The following CLMN variants were observed in gnomAD, a reference collection of about 807,000 sequenced individuals.
CLMN encodes the protein calmin.
A neutral mutation model predicts 92.7 loss-of-function variants in CLMN; 57 were observed. The ratio of observed to expected loss-of-function variants is 0.61; its 90% CI spans 0.50 to 0.77. CLMN has a LOEUF of 0.77. Ranked by LOEUF, CLMN falls within the 30% of genes least tolerant of loss-of-function variation. The probability of loss-of-function intolerance (pLI) is 0.00; values close to 1 mark genes in which losing one functional copy is unlikely to be tolerated. For missense variants in CLMN, 1,158 were observed against 1,237.5 expected (o/e 0.94, Z 0.96); for synonymous variants, 466 against 470.6 (o/e 0.99, Z 0.13).
At chr14:95,229,540 G>C (rs1177048262) in intron 2 of CLMN, among the ~76,000 whole-genome samples, 1 of 152,126 alleles carries the variant, frequency 6.6e-6, no homozygotes, top group Non-Finnish European at 1.5e-5. Flanking sequence ...TGATAGGAGG[G>C]GGGTAATTCA....
chr14:95,240,354 A>C (rs1395175382), intron 1 of CLMN, among the ~76,000 whole-genome samples: 3 of 152,152 alleles, frequency 2.0e-5, no homozygotes, highest in Non-Finnish European at 4.4e-5. Context: ...TGGCATGACC[A>C]AGTTCCAGCT....
chr14:95,313,546 A>T (rs1901632565), intron 1 of CLMN, among the ~76,000 whole-genome samples: 1 of 152,214 alleles, frequency 6.6e-6, no homozygotes. Flanking sequence ...AGACCTGGTA[A>T]GGAAGAAAAA....
At chr14:95,252,428 C>T (rs1447094926) in intron 1 of CLMN, among the ~76,000 whole-genome samples, 1 of 152,208 alleles carries the variant, frequency 6.6e-6, no homozygotes, top group Non-Finnish European at 1.5e-5. Flanking sequence ...TGGACAGTGC[C>T]AGCCCTGCAT....
At chr14:95,261,256 G>A (rs531917682) in intron 1 of CLMN, among the ~76,000 whole-genome samples, 1 of 151,182 alleles carries the variant, frequency 6.6e-6, no homozygotes, top group East Asian at 1.9e-4. Context: ...TAGTTTGAGA[G>A]CTGAAGCAGA....
intron 1 of CLMN, among the ~76,000 whole-genome samples, chr14:95,239,800 G>T (rs570685569): frequency 3.9e-5 from 6 of 152,272 alleles, no homozygotes; most frequent in East Asian, 3.9e-4. Context: ...AAAATGAATC[G>T]CAACGTTCTT....
At chr14:95,261,810 C>T (rs932015628) in intron 1 of CLMN, among the ~76,000 whole-genome samples, 1 of 152,234 alleles carries the variant, frequency 6.6e-6, no homozygotes, top group Admixed American at 6.5e-5. Flanking sequence ...GGGATCCCCA[C>T]AGCCCATGCC....
chr14:95,250,252 G>A lies in CLMN; in HGVS notation c.83-20119C>T, dbSNP rs1324988649. On this transcript the variant is annotated intron_variant, in intron 1 of 12. Transcript: ENST00000298912. Reference sequence around the variant, plus strand: ...AAGTTTTTGTTACTTGCAGGTGAACGATAAAATAGACATCCTTGTGTTATT... The same window carrying A: ...AAGTTTTTGTTACTTGCAGGTGAACAATAAAATAGACATCCTTGTGTTATT... 2.6e-5 allele frequency among the ~76,000 whole-genome samples: 4 copies of A among 152,188 alleles called. No homozygotes were observed. In the East Asian group the frequency reaches 5.8e-4, roughly 22 times the overall value.
intron 1 of CLMN, among the ~76,000 whole-genome samples, chr14:95,237,950 C>T (rs1898112432): frequency 6.6e-6 from 1 of 152,222 alleles, no homozygotes; most frequent in Non-Finnish European, 1.5e-5. Flanking sequence ...AATCTCACTC[C>T]ATCAGCTTGA....
intron 1 of CLMN, among the ~76,000 whole-genome samples, chr14:95,290,249 G>A (rs904152665): frequency 6.6e-6 from 1 of 152,170 alleles, no homozygotes; most frequent in Non-Finnish European, 1.5e-5. Flanking sequence ...TTCTTGGGTG[G>A]TGGTGCTTTG....
intron 1 of CLMN, among the ~76,000 whole-genome samples, chr14:95,274,373 A>C (rs1006979982): frequency 6.6e-6 from 1 of 152,054 alleles, no homozygotes; most frequent in Non-Finnish European, 1.5e-5. Flanking sequence ...CGAAGTCAGG[A>C]GGTATTCTTA....
At chr14:95,195,593 G>GGA (rs1449959878) in intron 10 of CLMN, among the ~76,000 whole-genome samples, 1 of 152,194 alleles carries the variant, frequency 6.6e-6, no homozygotes, top group Non-Finnish European at 1.5e-5. Context: ...GCAACAAGGG[G>GGA]GCACAAAAAG....
In CLMN at chr14:95,210,995, G is replaced by A. The variant is rs372673321; in HGVS notation, c.609-116C>T. 6.3e-5 allele frequency: 65 copies of A among 1,027,584 alleles called. No homozygotes were observed. The East Asian group carries it at 1.1e-3, about 17-fold the overall frequency. The allele number at this position is 1,027,584 out of a possible 1,614,324, so 63.7% of individuals were successfully genotyped here. ...TGAGTGGGGCAGAGCTGCCGACCTC[G>A]CCAGGTGAAGACGCCTTCATCCCTG... On this transcript the variant is annotated intron_variant, in intron 6 of 12. Transcript: ENST00000298912.
intron 1 of CLMN, among the ~76,000 whole-genome samples, chr14:95,282,509 C>T (rs1187135514): frequency 6.6e-6 from 1 of 152,140 alleles, no homozygotes; most frequent in Non-Finnish European, 1.5e-5. Flanking sequence ...GACCATGAGG[C>T]AATGCAGGCT....
chr14:95,314,720 G>A (rs1229581257), intron 1 of CLMN, among the ~76,000 whole-genome samples: 2 of 152,206 alleles, frequency 1.3e-5, no homozygotes, highest in Non-Finnish European at 2.9e-5. Context: ...TCCACACCAT[G>A]AGATAGGGAT....
chr14:95,281,775 G>T (rs146452277), intron 1 of CLMN, among the ~76,000 whole-genome samples: 15 of 152,192 alleles, frequency 9.9e-5, no homozygotes, highest in African/African-American at 3.6e-4. Flanking sequence ...TACTCCTCGT[G>T]TAGAAATGCA....
chr14:95,251,915 G>T (rs921920349), intron 1 of CLMN, among the ~76,000 whole-genome samples: 1 of 152,148 alleles, frequency 6.6e-6, no homozygotes, highest in African/African-American at 2.4e-5. Flanking sequence ...GCCAGGCCTG[G>T]GGTCTCTTTA....
intron 1 of CLMN, among the ~76,000 whole-genome samples, chr14:95,312,253 C>T (rs939820232): frequency 6.6e-6 from 1 of 152,166 alleles, no homozygotes; most frequent in Non-Finnish European, 1.5e-5. Flanking sequence ...CTAGCATGTC[C>T]CATTCACCCA....
chr14:95,233,144 G>A (rs989747900), intron 1 of CLMN, among the ~76,000 whole-genome samples: 58 of 152,142 alleles, frequency 3.8e-4, no homozygotes, highest in African/African-American at 1.4e-3. Flanking sequence ...AAACACTCAG[G>A]CTGGTTTCTC....
chr14:95,240,973 G>A (rs545157539), intron 1 of CLMN, among the ~76,000 whole-genome samples: 1 of 152,246 alleles, frequency 6.6e-6, no homozygotes, highest in Admixed American at 6.5e-5. Context: ...TGCCTGGATT[G>A]GCTCAAGTGC....
Sources: allele counts gnomAD v4.1 joint callset (sites outside exome capture counted in the v4.1 genomes callset), GRCh38; gene constraint gnomAD v4.1.1; transcripts MANE v1.5; gene names NCBI Gene and HGNC (gene_info 2026-07-23, HGNC 2026-07-21).